The following ELF2 variants were observed in gnomAD, a reference collection of about 807,000 sequenced individuals.
ELF2 encodes the protein E74 like ETS transcription factor 2.
A neutral mutation model predicts 54.8 loss-of-function variants in ELF2; 11 were observed. The observed-to-expected ratio is 0.20, with a 90% CI of 0.13 to 0.33. The LOEUF (loss-of-function observed/expected upper bound fraction) is 0.33. ELF2 is among the 10% of genes least tolerant of loss of function. The probability of loss-of-function intolerance (pLI) is 1.00; values close to 1 mark genes in which losing one functional copy is unlikely to be tolerated. For missense variants in ELF2, 513 were observed against 703.0 expected, an observed-to-expected ratio of 0.73 and a Z score of 3.06; for synonymous variants, 203 against 245.1, an observed-to-expected ratio of 0.83 and a Z score of 1.61.
chr4:139,098,008 G>A (rs1733468402), intron 4 of ELF2, among the ~76,000 whole-genome samples: 1 of 152,102 alleles, frequency 6.6e-6, no homozygotes. Flanking sequence ...CTGAAATAAC[G>A]TATTTTGTAT....
chr4:139,145,941 A>G (rs1056873805), intron 1 of ELF2, among the ~76,000 whole-genome samples: 10 of 152,226 alleles, frequency 6.6e-5, no homozygotes, highest in African/African-American at 2.2e-4. Context: ...AAAAAGTTGC[A>G]AGCATTCCCC....
intron 4 of ELF2, among the ~76,000 whole-genome samples, chr4:139,088,813 C>CAATG (rs1487117642): frequency 6.6e-6 from 1 of 151,878 alleles, no homozygotes; most frequent in Non-Finnish European, 1.5e-5. Flanking sequence ...GGCTGGAGTG[C>CAATG]AATGGCGTGA....
At chr4:139,106,740 CTTTTTTTT>C (rs35312494) in intron 4 of ELF2, among the ~76,000 whole-genome samples, 1 of 93,756 alleles carries the variant, frequency 1.1e-5, no homozygotes, top group Non-Finnish European at 2.1e-5. Context: ...AACTATATTT[CTTTTTTTT>C]TTTTTTTTTT....
intron 3 of ELF2, chr4:139,137,224 A>G (rs2148860980): frequency 6.1e-6 from 1 of 162,982 alleles, no homozygotes; most frequent in East Asian, 1.8e-4. Flanking sequence ...TAGATATAAA[A>G]TAATCAAGAA....
intron 4 of ELF2, among the ~76,000 whole-genome samples, chr4:139,085,967 C>T (rs1194983379): frequency 6.6e-6 from 1 of 152,084 alleles, no homozygotes; most frequent in Non-Finnish European, 1.5e-5. Flanking sequence ...ACTGAGGCCC[C>T]AAGAAGTTAC....
chr4:139,116,354 C>T (rs930345147), intron 4 of ELF2, among the ~76,000 whole-genome samples: 1 of 148,808 alleles, frequency 6.7e-6, no homozygotes, highest in Non-Finnish European at 1.5e-5. Flanking sequence ...GCAAAACCAA[C>T]AGAAATGACA....
At chr4:139,114,284 T>C (rs990287913) in intron 4 of ELF2, among the ~76,000 whole-genome samples, 4 of 152,104 alleles carry the variant, frequency 2.6e-5, no homozygotes, top group Non-Finnish European at 4.4e-5. Flanking sequence ...TCAAAGAATT[T>C]AGAGGCCGGG....
rs917358056 is a variant in ELF2, at chr4:139,112,459, G to C, written c.238+12705C>G. On this transcript the variant is annotated intron_variant, in intron 4 of 9. Coordinates refer to ENST00000686138, the MANE Select transcript of ELF2 (RefSeq NM_001331036.3). ...CACAAGATATTCAGCTCTGAGGCTG[G>C]GACATTGCAGGTCCTCAGTAAGCAC... 3.9e-5 allele frequency among the ~76,000 whole-genome samples: 6 copies of C among 152,312 alleles called. No homozygotes were observed. In the East Asian group the frequency reaches 1.2e-3, roughly 29 times the overall value.
chr4:139,157,740 G>A (rs997475368), intron 1 of ELF2, among the ~76,000 whole-genome samples: 32 of 152,116 alleles, frequency 2.1e-4, no homozygotes, highest in African/African-American at 7.2e-4. Context: ...TATCAGGCAC[G>A]TTTTGACACT....
intron 1 of ELF2, among the ~76,000 whole-genome samples, chr4:139,159,862 G>A (rs576994910): frequency 6.6e-6 from 1 of 152,056 alleles, no homozygotes; most frequent in East Asian, 1.9e-4. Flanking sequence ...TCCTCTTTCT[G>A]CCCATATAAC....
intron 1 of ELF2, among the ~76,000 whole-genome samples, chr4:139,159,550 T>C (rs904165931): frequency 5.9e-5 from 9 of 152,114 alleles, no homozygotes; most frequent in Admixed American, 5.9e-4. Context: ...TAGCTGCTTT[T>C]TTAGCTACCT....
chr4:139,115,189 C>T (rs1442069709), intron 4 of ELF2: 3 of 1,611,874 alleles, frequency 1.9e-6, no homozygotes, highest in South Asian at 1.1e-5. Context: ...TAGCTCCTTG[C>T]GGTCATACTT....
chr4:139,125,779 C>CA (rs367767700), intron 3 of ELF2, among the ~76,000 whole-genome samples: 2,181 of 96,276 alleles, frequency 0.023, 41 homozygotes, highest in African/African-American at 0.048. Context: ...AGTCTGGCAG[C>CA]AAAAAAAAAA....
At chr4:139,144,253 C>T (rs975200713) in intron 1 of ELF2, among the ~76,000 whole-genome samples, 10 of 152,112 alleles carry the variant, frequency 6.6e-5, no homozygotes, top group African/African-American at 2.2e-4. Flanking sequence ...CAGAGGAAGG[C>T]CTTAACCCCA....
intron 4 of ELF2, among the ~76,000 whole-genome samples, chr4:139,086,518 TAGTC>T (rs1307037235): frequency 2.0e-5 from 3 of 152,206 alleles, no homozygotes; most frequent in African/African-American, 4.8e-5. Context: ...ATTTATTTAA[TAGTC>T]AGGTTTTATA....
At position 139,067,737 on chromosome 4, in the gene ELF2, A is replaced by G; in HGVS notation, c.560T>C (p.Ile187Thr). Reference sequence around the variant, plus strand: ...ACCTAACTCAGGAGACCCATTGGAAATTGGTGATTGCTGGGTCTTTGGTTT... The same window carrying G: ...ACCTAACTCAGGAGACCCATTGGAAGTTGGTGATTGCTGGGTCTTTGGTTT... ...GRKPKTQQSP[I>T]SNGSPELGIK... Residue 187 changes from isoleucine to threonine, a missense_variant, in exon 7 of 10, where the codon ATT becomes ACT. Physicochemically the swap from Ile to Thr is moderately conservative, Grantham distance 89. This residue lies in a region of ELF2 where 203 missense variants were observed against 245.9 expected (regional missense o/e 0.83). Transcript: ENST00000686138. The G allele has an allele frequency of 6.2e-7, 1 of 1,605,086 alleles. No individual in the cohort carries two copies. Among genetic ancestry groups the G allele is most frequent in the Non-Finnish European group, 8.5e-7 (1 of 1,173,722 alleles).
At chr4:139,080,210 T>C (rs1300015929) in intron 4 of ELF2, among the ~76,000 whole-genome samples, 1 of 152,234 alleles carries the variant, frequency 6.6e-6, no homozygotes, top group Non-Finnish European at 1.5e-5. Context: ...GATGTGACCA[T>C]GTAACTCAGT....
At position 139,059,903 on chromosome 4, in the gene ELF2, A is replaced by G. The variant is rs76740096; in HGVS notation, c.1158-296T>C. On this transcript the variant is annotated intron_variant, in intron 9 of 9. Transcript: ENST00000686138. ...CAGTCTGTCACCTAGGCTGGAGTAT[A>G]GTGGTGCAATCTTAGCTCACTACAA... Among the ~76,000 whole-genome samples, 1,418 of 150,628 alleles carry G rather than the reference A, an allele frequency of 9.4e-3. 10 individuals carry two copies. The highest frequency in any genetic ancestry group is 0.015 in the Non-Finnish European group (1,031 of 67,830).
chr4:139,080,568 A>G (rs1730965669), intron 4 of ELF2, among the ~76,000 whole-genome samples: 1 of 152,142 alleles, frequency 6.6e-6, no homozygotes. Context: ...TGTTGACCAA[A>G]ACTTCTGATT....
Sources: allele counts gnomAD v4.1 joint callset (sites outside exome capture counted in the v4.1 genomes callset), GRCh38; gene constraint gnomAD v4.1.1; regional missense constraint gnomAD v4.1.1; transcripts MANE v1.5; gene names NCBI Gene and HGNC (gene_info 2026-07-23, HGNC 2026-07-21).